Variants in BHMT observed in about 807,000 individuals in gnomAD.
The protein encoded by BHMT is betaine--homocysteine S-methyltransferase 1.
Under a neutral mutation model 49.5 loss-of-function variants are expected in BHMT, and 38 were observed. That is an observed-to-expected ratio of 0.77 (90% CI 0.59 to 1.01). The LOEUF is 1.01. Among genes scored for constraint, BHMT ranks in the 50% least tolerant of loss-of-function variants. BHMT has a pLI of 0.00. For missense variants in BHMT, 426 were observed against 495.7 expected (o/e 0.86, Z 1.34); for synonymous variants, 166 against 176.3 (o/e 0.94, Z 0.46).
intron 1 of BHMT, among the ~76,000 whole-genome samples, chr5:79,114,082 G>C (rs114447068): frequency 0.014 from 2,109 of 147,696 alleles, 45 homozygotes; most frequent in African/African-American, 0.05. Flanking sequence ...TGTGCTGGCA[G>C]TAGTATATAT....
intron 5 of BHMT, 33 bp from the exon 6 acceptor site, chr5:79,126,013 T>C (rs879430531): frequency 1.9e-6 from 3 of 1,577,672 alleles, no homozygotes; most frequent in Non-Finnish European, 2.6e-6. Context: ...TTCTGGTGCA[T>C]CCCTAAGTCT....
In BHMT at chr5:79,131,121, G is replaced by A. The variant is rs1403925736; in HGVS notation, c.*5G>A. Reference sequence around the variant, plus strand: ...CAAAAATTCAAATCACAGTAGCCTCGATAGAAGCTATTTTTGATGAATTTC... The same window carrying A: ...CAAAAATTCAAATCACAGTAGCCTCAATAGAAGCTATTTTTGATGAATTTC... On this transcript the variant is annotated 3_prime_UTR_variant, in exon 8 of 8. Coordinates refer to ENST00000274353, the MANE Select transcript of BHMT (RefSeq NM_001713.3). 1.9e-6 allele frequency: 3 copies of A among 1,603,782 alleles called. No homozygotes were observed. The highest frequency in any genetic ancestry group is 1.7e-6 in the Non-Finnish European group (2 of 1,175,160).
intron 1 of BHMT, among the ~76,000 whole-genome samples, chr5:79,115,302 A>AG (rs528310248): frequency 3.7e-4 from 55 of 149,482 alleles, no homozygotes; most frequent in South Asian, 1.7e-3. Flanking sequence ...GCTGTCTCTA[A>AG]GAAAAAAAAA....
At chr5:79,112,993 C>T (rs1383097131) in intron 1 of BHMT, among the ~76,000 whole-genome samples, 1 of 152,210 alleles carries the variant, frequency 6.6e-6, no homozygotes, top group Non-Finnish European at 1.5e-5. Context: ...ATCCTCTGGG[C>T]TGTAAGGACA....
At chr5:79,130,781 T>C in intron 7 of BHMT, 152 bp from the exon 8 acceptor site, 1 of 527,942 alleles carries the variant, frequency 1.9e-6, no homozygotes, top group Non-Finnish European at 2.7e-6. Context: ...TGGCTGAGAT[T>C]GACACCTTTG....
chr5:79,114,063 T>C (rs559754354), intron 1 of BHMT, among the ~76,000 whole-genome samples: 1 of 150,034 alleles, frequency 6.7e-6, no homozygotes, highest in Middle Eastern at 3.5e-3. Context: ...GTTATGTTTT[T>C]TATGTAACTG....
At position 79,119,273 on chromosome 5, in the gene BHMT, C is replaced by T. The variant is rs780760620; in HGVS notation, c.181C>T (p.Arg61Ter). The T allele has an allele frequency of 5.0e-6, 8 of 1,608,202 alleles. No homozygotes were observed. The highest frequency in any genetic ancestry group is 4.5e-5 in the South Asian group (4 of 89,510). Residue 61 changes from arginine (R) to a stop codon, truncating the protein, a stop_gained, in exon 3 of 8, where the codon CGA (arginine) becomes TGA (stop). Transcript: ENST00000274353. LOFTEE classifies it high-confidence loss of function. ...CACTCTCCCAGTTCGCCAGCTTCATCGAGAGTTCCTCAGAGCTGGCTCAAA... is the reference window on the plus strand; with the variant it reads ...CACTCTCCCAGTTCGCCAGCTTCATTGAGAGTTCCTCAGAGCTGGCTCAAA... ...EHPEAVRQLH[R>*]EFLRAGSNVM... is the part of the protein sequence containing the mutation.
chr5:79,120,520 C>T lies in BHMT; in HGVS notation c.456C>T (p.Asn152=), dbSNP rs537804291. 3.7e-6 allele frequency: 6 copies of T among 1,611,150 alleles called. No homozygotes were observed. Among genetic ancestry groups the T allele is most frequent in the South Asian group, 3.3e-5 (3 of 90,220 alleles). ...LQQLEVFMKK[N]VDFLIAEYFE... ...AGTTAGAGGTCTTTATGAAGAAGAA[C>T]GTGGACTTCTTGATTGCAGAGGTAA... Residue 152 remains asparagine, a synonymous_variant, in exon 4 of 8, where the codon AAC becomes AAT. Coordinates refer to ENST00000274353, the MANE Select transcript of BHMT (RefSeq NM_001713.3).
chr5:79,118,469 AAAACAAACAAAC>A (rs199901742), intron 2 of BHMT, among the ~76,000 whole-genome samples: 17 of 152,140 alleles, frequency 1.1e-4, no homozygotes, highest in Non-Finnish European at 1.6e-4. Context: ...TCCATCTCAA[AAAACAAACAAAC>A]AAACAAACAA....
At position 79,131,063 on chromosome 5, in the gene BHMT, A is replaced by T. The variant is rs746344824; in HGVS notation, c.1168A>T (p.Thr390Ser). 1 of 1,613,790 alleles carries T rather than the reference A, an allele frequency of 6.2e-7. No individual in the cohort carries two copies. The highest frequency in any genetic ancestry group is 8.5e-7 in the Non-Finnish European group (1 of 1,179,922). The change falls in exon 8 of 8, where the codon ACT becomes TCT. Residue 390 changes from threonine to serine, a missense_variant. Physicochemically the swap from Thr to Ser is moderately conservative, Grantham distance 58 (BLOSUM62 1). This residue lies in a region of BHMT where 73 missense variants were observed against 68.3 expected (regional missense o/e 1.07). Transcript: ENST00000274353. The stretch of plus-strand genomic sequence containing the variant: ...GCTGATGCAGCAGAAAGAAGCCACA[A>T]CTGAGCAGCAGCTGAAAGAGCTCTT... ...AELMQQKEAT[T>S]EQQLKELFEK... is the part of the protein sequence containing the mutation.
chr5:79,129,262 G>A (rs1756600006), intron 7 of BHMT, among the ~76,000 whole-genome samples: 1 of 152,336 alleles, frequency 6.6e-6, no homozygotes, highest in Non-Finnish European at 1.5e-5. Flanking sequence ...GGATGAAGAT[G>A]TGCATAGGTG....
At chr5:79,123,491 C>A (rs1756504032) in intron 5 of BHMT, among the ~76,000 whole-genome samples, 1 of 152,104 alleles carries the variant, frequency 6.6e-6, no homozygotes, top group South Asian at 2.1e-4. Context: ...AATCCTAGGC[C>A]ATGAGTCCAT....
rs1471288416 is a variant in BHMT at position 79,121,290 on chromosome 5, A to G, written c.550A>G (p.Thr184Ala). 6.2e-7 allele frequency: 1 copy of G among 1,614,108 alleles called. No homozygotes were observed. The highest frequency in any genetic ancestry group is 1.3e-5 in the African/African-American group (1 of 74,952). ...LIASGKPVAA[T>A]MCIGPEGDLH... ...AGCATCCGGTAAACCTGTGGCAGCA[A>G]CCATGTGCATTGGCCCAGAAGGAGA... The change falls in exon 5 of 8, where the codon ACC becomes GCC. Residue 184 changes from threonine to alanine, a missense_variant. Coordinates refer to ENST00000274353, the MANE Select transcript of BHMT (RefSeq NM_001713.3).
chr5:79,122,192 C>T (rs2112728095), intron 5 of BHMT, among the ~76,000 whole-genome samples: 1 of 152,204 alleles, frequency 6.6e-6, no homozygotes, highest in South Asian at 2.1e-4. Context: ...CCACCCGCCT[C>T]GGCCTCCCAA....
rs748307097 is a variant in BHMT at position 79,127,837 on chromosome 5, C to T, written c.891C>T (p.Gly297=). ...EAYNLGVRYI[G]GCCGFEPYHI... ...ACAACCTGGGGGTCAGGTACATTGG[C>T]GGGTGCTGTGGATTTGAGCCCTACC... The change falls in exon 7 of 8, where the codon GGC becomes GGT. Residue 297 remains glycine, a synonymous_variant. Transcript: ENST00000274353. 44 of 1,613,984 alleles carry T rather than the reference C, an allele frequency of 2.7e-5. No homozygotes were observed. The highest frequency in any genetic ancestry group is 5.0e-5 in the Admixed American group (3 of 59,994).
intron 1 of BHMT, among the ~76,000 whole-genome samples, 189 bp from the exon 2 acceptor site, chr5:79,115,578 T>C (rs376795426): frequency 3.9e-5 from 6 of 152,296 alleles, no homozygotes; most frequent in East Asian, 1.9e-4. Flanking sequence ...TACACAAATG[T>C]TTATTTTATG....
chr5:79,126,060 G>A lies in BHMT; in HGVS notation c.640G>A (p.Gly214Ser). The change falls in exon 6 of 8, where the codon GGT becomes AGT. Residue 214 changes from glycine to serine, a missense_variant. Physicochemically the swap from Gly to Ser is moderately conservative, Grantham distance 56. Coordinates refer to ENST00000274353, the MANE Select transcript of BHMT (RefSeq NM_001713.3). ...CCCACTCACAGGAGCATCCATCATT[G>A]GTGTGAACTGCCACTTTGACCCCAC... is the stretch of plus-strand genomic sequence containing the variant. ...RLVKAGASII[G>S]VNCHFDPTIS... The A allele has an allele frequency of 6.2e-7, 1 of 1,603,984 alleles. No homozygotes were observed.
chr5:79,121,242 G>C lies in BHMT; in HGVS notation c.502G>C (p.Val168Leu), dbSNP rs745363372. Residue 168 changes from valine to leucine, a missense_variant, in exon 5 of 8, where the codon GTG becomes CTG. Coordinates refer to ENST00000274353, the MANE Select transcript of BHMT (RefSeq NM_001713.3). ...AEYFEHVEEA[V>L]WAVETLIASG... ...GTATTTTGAACACGTTGAAGAAGCT[G>C]TGTGGGCAGTTGAAACCTTGATAGC... The C allele has an allele frequency of 2.5e-6, 4 of 1,614,116 alleles. No individual in the cohort carries two copies. In the South Asian group the frequency reaches 4.4e-5, roughly 18 times the overall value.
At chr5:79,114,125 ATAT>A (rs5868950) in intron 1 of BHMT, among the ~76,000 whole-genome samples, 2 of 149,180 alleles carry the variant, frequency 1.3e-5, no homozygotes, top group South Asian at 4.2e-4. Flanking sequence ...ATACATATAT[ATAT>A]TATTGTTGTT....
Sources: gnomAD v4.1 joint callset for allele counts (sites outside exome capture counted in the v4.1 genomes callset) on GRCh38, gnomAD v4.1.1 for gene constraint, gnomAD v4.1.1 regional missense constraint, MANE v1.5 for transcripts, NCBI Gene and HGNC (gene_info 2026-07-23, HGNC 2026-07-21) for gene names.